The following PTPRD variants were observed in gnomAD, a reference collection of about 807,000 sequenced individuals.
PTPRD encodes protein tyrosine phosphatase receptor type D.
In PTPRD, 34 loss-of-function variants were observed where a neutral mutation model predicts 214.5. That is an observed-to-expected ratio of 0.16 (90% CI 0.12 to 0.21). The LOEUF (loss-of-function observed/expected upper bound fraction) is 0.21. Ranked by LOEUF, PTPRD falls within the 10% of genes least tolerant of loss-of-function variation. PTPRD has a pLI of 1.00. For synonymous variants in PTPRD, 1,128 were observed against 845.7 expected, an observed-to-expected ratio of 1.33 and a Z score of -5.79; for missense variants, 2,545 against 2,398.7, an observed-to-expected ratio of 1.06 and a Z score of -1.27.
intron 11 of PTPRD, among the ~76,000 whole-genome samples, chr9:8,738,061 A>G (rs1207394583): frequency 6.6e-6 from 1 of 152,212 alleles, no homozygotes; most frequent in Non-Finnish European, 1.5e-5. Context: ...CATACCACAA[A>G]GATCTTATGA....
intron 3 of PTPRD, among the ~76,000 whole-genome samples, chr9:10,058,003 T>C (rs1019676306): frequency 2.6e-5 from 4 of 152,216 alleles, no homozygotes; most frequent in East Asian, 1.9e-4. Flanking sequence ...CGTAAGATGA[T>C]TGCATTTTGT....
intron 33 of PTPRD, chr9:8,452,034 T>A (rs936854557): frequency 3.6e-6 from 1 of 281,028 alleles, no homozygotes; most frequent in South Asian, 3.4e-5. Context: ...AGGAATTACA[T>A]CTTGTTGCAA....
At chr9:8,380,323 C>T (rs1052370777) in intron 37 of PTPRD, among the ~76,000 whole-genome samples, 5 of 151,966 alleles carry the variant, frequency 3.3e-5, no homozygotes, top group Admixed American at 3.3e-4. Context: ...TCTGAGATTC[C>T]AAACAATTCT....
At chr9:9,601,041 C>T (rs965462560) in intron 7 of PTPRD, among the ~76,000 whole-genome samples, 1 of 148,340 alleles carries the variant, frequency 6.7e-6, no homozygotes, top group African/African-American at 2.5e-5. Context: ...TGCTGACAAA[C>T]TAATTGACGA....
At position 8,500,979 on chromosome 9, in the gene PTPRD, C is replaced by T. The variant is rs201029964; in HGVS notation, c.1903G>A (p.Val635Met). 6 of 1,614,054 alleles carry T rather than the reference C, an allele frequency of 3.7e-6. No individual in the cohort carries two copies. The South Asian group carries it at 6.6e-5, about 18-fold the overall frequency. ...SILVSWQPPP[V>M]EKQNGIITEY... is the part of the protein sequence containing the mutation. ...GTGATAATGCCATTCTGTTTTTCCACTGGTGGAGGTTGCCAACTTACCAAA... is the reference window on the plus strand; with the variant it reads ...GTGATAATGCCATTCTGTTTTTCCATTGGTGGAGGTTGCCAACTTACCAAA... Residue 635 changes from valine to methionine, a missense_variant, in exon 24 of 46, where the codon GTG (valine) becomes ATG (methionine). Coordinates refer to ENST00000381196, the MANE Select transcript of PTPRD (RefSeq NM_002839.4).
intron 3 of PTPRD, among the ~76,000 whole-genome samples, chr9:10,321,941 A>T (rs1005561054): frequency 2.6e-5 from 4 of 152,080 alleles, no homozygotes; most frequent in Non-Finnish European, 5.9e-5. Flanking sequence ...AGGAAGATTT[A>T]TTAGTTAGAG....
chr9:9,807,105 C>T (rs1408127), intron 5 of PTPRD, among the ~76,000 whole-genome samples: 86,758 of 152,012 alleles, frequency 0.57, 27,875 homozygotes, highest in East Asian at 0.88. Flanking sequence ...GCTCTAAAAT[C>T]TTTTAATAAA....
intron 6 of PTPRD, among the ~76,000 whole-genome samples, chr9:9,738,439 C>CTTTTTTTTTTTTTTTTTTT (rs71319292): frequency 1.3e-5 from 1 of 76,518 alleles, no homozygotes; most frequent in African/African-American, 6.4e-5. Flanking sequence ...CACTCACTCA[C>CTTTTTTTTTTTTTTTTTTT]TTTTTTTTTT....
chr9:9,033,681 C>A (rs185812236), intron 10 of PTPRD, among the ~76,000 whole-genome samples: 129 of 152,230 alleles, frequency 8.5e-4, no homozygotes, highest in African/African-American at 2.9e-3. Context: ...CTCCCCTCCC[C>A]TTCTCTTTCT....
intron 11 of PTPRD, among the ~76,000 whole-genome samples, chr9:8,996,459 T>C (rs2099397104): frequency 6.6e-6 from 1 of 152,036 alleles, no homozygotes; most frequent in Non-Finnish European, 1.5e-5. Context: ...TGTTGCCTAA[T>C]GATAGAGGTG....
chr9:8,882,467 G>C (rs1291858541), intron 11 of PTPRD, among the ~76,000 whole-genome samples: 2 of 152,170 alleles, frequency 1.3e-5, no homozygotes, highest in African/African-American at 4.8e-5. Flanking sequence ...ATGAGAAAAT[G>C]TGTGAAAAGT....
chr9:9,175,283 T>C (rs1569558679), intron 10 of PTPRD, among the ~76,000 whole-genome samples: 1 of 152,142 alleles, frequency 6.6e-6, no homozygotes, highest in African/African-American at 2.4e-5. Flanking sequence ...TAATAAATTA[T>C]ATAAGATCAT....
intron 8 of PTPRD, among the ~76,000 whole-genome samples, chr9:9,486,731 A>G (rs2095654103): frequency 6.6e-6 from 1 of 152,132 alleles, no homozygotes; most frequent in Non-Finnish European, 1.5e-5. Context: ...CTTCTTCCCA[A>G]AGACGTTCAT....
chr9:9,175,700 T>G (rs951561598), intron 10 of PTPRD, among the ~76,000 whole-genome samples: 2 of 151,882 alleles, frequency 1.3e-5, no homozygotes, highest in Non-Finnish European at 2.9e-5. Context: ...TACTATTTGT[T>G]TTGAGGAAGA....
chr9:9,375,232 T>C (rs540756451), intron 9 of PTPRD, among the ~76,000 whole-genome samples: 1 of 152,304 alleles, frequency 6.6e-6, no homozygotes, highest in South Asian at 2.1e-4. Flanking sequence ...TAGCCAAATG[T>C]GGATAATCCA....
chr9:10,304,893 A>G (rs1459367214), intron 3 of PTPRD, among the ~76,000 whole-genome samples: 2 of 152,190 alleles, frequency 1.3e-5, no homozygotes, highest in African/African-American at 4.8e-5. Context: ...TCTTCACAGA[A>G]TTGGAAAAAA....
intron 8 of PTPRD, among the ~76,000 whole-genome samples, chr9:9,560,035 C>T (rs61241955): frequency 2.7e-3 from 404 of 152,284 alleles, no homozygotes; most frequent in African/African-American, 9.1e-3. Context: ...TCGGGCTTCT[C>T]GGCCAGTTCT....
chr9:9,692,764 G>A (rs1482124057), intron 7 of PTPRD, among the ~76,000 whole-genome samples: 2 of 151,866 alleles, frequency 1.3e-5, no homozygotes, highest in South Asian at 2.1e-4. Context: ...CCATGAACAT[G>A]AAAATTGTTT....
chr9:10,087,377 T>C (rs2098360928), intron 3 of PTPRD, among the ~76,000 whole-genome samples: 1 of 151,662 alleles, frequency 6.6e-6, no homozygotes, highest in Non-Finnish European at 1.5e-5. Flanking sequence ...TACCTACAAG[T>C]ATTATTACTA....
Sources: allele counts gnomAD v4.1 joint callset (sites outside exome capture counted in the v4.1 genomes callset), GRCh38; gene constraint gnomAD v4.1.1; transcripts MANE v1.5; gene names NCBI Gene and HGNC (gene_info 2026-07-23, HGNC 2026-07-21).